Variants in CMTM8 observed in about 807,000 individuals in gnomAD.
CMTM8 encodes the protein CKLF-like MARVEL transmembrane domain-containing protein 8.
Under a neutral mutation model 18.6 loss-of-function variants are expected in CMTM8, and 12 were observed. The ratio of observed to expected loss-of-function variants is 0.65; its 90% CI spans 0.41 to 1.05. CMTM8 has a LOEUF of 1.05. CMTM8 is among the 50% of genes least tolerant of loss of function. CMTM8 has a pLI of 0.00. For synonymous variants in CMTM8, 87 were observed against 90.6 expected, an observed-to-expected ratio of 0.96 and a Z score of 0.23; for missense variants, 217 against 227.2, an observed-to-expected ratio of 0.95 and a Z score of 0.29.
At chr3:32,258,140 G>T (rs1365498782) in intron 1 of CMTM8, among the ~76,000 whole-genome samples, 1 of 152,108 alleles carries the variant, frequency 6.6e-6, no homozygotes, top group African/African-American at 2.4e-5. Flanking sequence ...TGGTTTATCT[G>T]GGGGTCTGTT....
intron 1 of CMTM8, among the ~76,000 whole-genome samples, chr3:32,242,371 G>C (rs1701954453): frequency 6.6e-6 from 1 of 152,132 alleles, no homozygotes; most frequent in African/African-American, 2.4e-5. Flanking sequence ...TCTGTCATCA[G>C]GCTGGAGTGT....
At chr3:32,245,143 TCA>T (rs1701992776) in intron 1 of CMTM8, among the ~76,000 whole-genome samples, 1 of 152,178 alleles carries the variant, frequency 6.6e-6, no homozygotes, top group African/African-American at 2.4e-5. Flanking sequence ...TGTGTCTGTT[TCA>T]AACCTTTGCA....
chr3:32,291,681 G>T (rs1015044505), intron 1 of CMTM8, among the ~76,000 whole-genome samples: 2 of 152,176 alleles, frequency 1.3e-5, no homozygotes, highest in African/African-American at 4.8e-5. Context: ...GGCCACAGGG[G>T]AATCCAGAAA....
intron 1 of CMTM8, among the ~76,000 whole-genome samples, chr3:32,315,330 A>G (rs936329053): frequency 6.6e-6 from 1 of 151,816 alleles, no homozygotes; most frequent in Non-Finnish European, 1.5e-5. Flanking sequence ...AGGTTTTACC[A>G]TGTTGGCCAG....
chr3:32,298,059 CTTT>C (rs61540438), intron 1 of CMTM8, among the ~76,000 whole-genome samples: 4 of 138,804 alleles, frequency 2.9e-5, no homozygotes, highest in Admixed American at 7.2e-5. Context: ...TAACTAAAAA[CTTT>C]TTTTTTTTTT....
chr3:32,244,291 A>C (rs1272370900), intron 1 of CMTM8, among the ~76,000 whole-genome samples: 1 of 152,110 alleles, frequency 6.6e-6, no homozygotes, highest in African/African-American at 2.4e-5. Context: ...CTGGGCTCGA[A>C]CAGTCCTCCC....
At chr3:32,330,883 T>C (rs959223904) in intron 1 of CMTM8, among the ~76,000 whole-genome samples, 5 of 152,092 alleles carry the variant, frequency 3.3e-5, no homozygotes, top group African/African-American at 1.2e-4. Context: ...AAACTCAAAC[T>C]CCTAGAAGAA....
chr3:32,330,197 AT>A (rs57467295), intron 1 of CMTM8, among the ~76,000 whole-genome samples: 8,697 of 125,056 alleles, frequency 0.07, 314 homozygotes, highest in East Asian at 0.24. Context: ...TCCCAGTGGC[AT>A]TTTTTTTTTT....
intron 1 of CMTM8, chr3:32,259,152 G>A (rs532645973): frequency 1.4e-5 from 6 of 428,330 alleles, no homozygotes; most frequent in East Asian, 1.1e-4. Flanking sequence ...CCGCAGGGAC[G>A]GCCAGGGGTC....
At chr3:32,331,405 G>A (rs145743258) in intron 1 of CMTM8, among the ~76,000 whole-genome samples, 4 of 150,366 alleles carry the variant, frequency 2.7e-5, no homozygotes, top group Non-Finnish European at 2.9e-5. Flanking sequence ...AAAACAGTAC[G>A]GGGGGTCCTC....
chr3:32,293,874 A>G (rs1702826573), intron 1 of CMTM8, among the ~76,000 whole-genome samples: 2 of 152,172 alleles, frequency 1.3e-5, no homozygotes, highest in African/African-American at 4.8e-5. Context: ...CTCTGTGAGT[A>G]AGCCTGTTCA....
chr3:32,249,178 C>T (rs925664280), intron 1 of CMTM8, among the ~76,000 whole-genome samples: 4 of 151,596 alleles, frequency 2.6e-5, no homozygotes, highest in African/African-American at 9.7e-5. Context: ...CCTGTAATCC[C>T]ACCACTTTGG....
At chr3:32,337,345 C>T (rs17029236) in intron 1 of CMTM8, among the ~76,000 whole-genome samples, 7,046 of 152,232 alleles carry the variant, frequency 0.046, 223 homozygotes, top group East Asian at 0.13. Context: ...CAGGCCTGCA[C>T]GGACAGAGGT....
chr3:32,309,231 G>T (rs1020649721), intron 1 of CMTM8, among the ~76,000 whole-genome samples: 1 of 151,862 alleles, frequency 6.6e-6, no homozygotes, highest in African/African-American at 2.4e-5. Flanking sequence ...GGTGCTGTGG[G>T]AAGACCAGCT....
intron 1 of CMTM8, among the ~76,000 whole-genome samples, chr3:32,346,204 G>A (rs1470736534): frequency 6.6e-6 from 1 of 152,118 alleles, no homozygotes; most frequent in East Asian, 1.9e-4. Context: ...CATCAGTAGG[G>A]TGGTCAAATA....
At position 32,370,049 on chromosome 3, in the gene CMTM8, G is replaced by A; in HGVS notation, c.*82G>A. The A allele has an allele frequency of 1.3e-6, 1 of 742,482 alleles. No homozygotes were observed. The highest frequency in any genetic ancestry group is 2.2e-6 in the Non-Finnish European group (1 of 459,366). The allele number at this position is 742,482 out of a possible 1,614,324, so 46.0% of individuals were successfully genotyped here. ...GCTGTAGGTATAATGTATATTCCCAGAGAATTGTATTTAACTAATTAATGT... is the reference window on the plus strand; with the variant it reads ...GCTGTAGGTATAATGTATATTCCCAAAGAATTGTATTTAACTAATTAATGT... On this transcript the variant is annotated 3_prime_UTR_variant, in exon 4 of 4. Coordinates refer to ENST00000307526, the MANE Select transcript of CMTM8 (RefSeq NM_178868.5).
intron 1 of CMTM8, among the ~76,000 whole-genome samples, chr3:32,340,561 C>A (rs1214362448): frequency 6.6e-6 from 1 of 152,198 alleles, no homozygotes; most frequent in Non-Finnish European, 1.5e-5. Context: ...GTGTATATTT[C>A]CTAGTGCAGA....
intron 1 of CMTM8, among the ~76,000 whole-genome samples, chr3:32,284,312 A>C (rs968521358): frequency 6.6e-6 from 1 of 152,214 alleles, no homozygotes; most frequent in African/African-American, 2.4e-5. Context: ...ACAAGAGTGG[A>C]AAACAAGAAA....
chr3:32,275,666 T>TTTTTTTTG (rs144431874), intron 1 of CMTM8, among the ~76,000 whole-genome samples: 1 of 93,388 alleles, frequency 1.1e-5, no homozygotes, highest in Non-Finnish European at 2.1e-5. Flanking sequence ...TTTTTTTTTT[T>TTTTTTTTG]GGGGACAGAG....
Sources: gnomAD v4.1 joint callset for allele counts (sites outside exome capture counted in the v4.1 genomes callset) on GRCh38, gnomAD v4.1.1 for gene constraint, MANE v1.5 for transcripts, NCBI Gene and HGNC (gene_info 2026-07-23, HGNC 2026-07-21) for gene names.